Variants in DNAAF1 observed in about 807,000 individuals in gnomAD.
The protein encoded by DNAAF1 is dynein assembly factor 1, axonemal.
In DNAAF1, 65 loss-of-function variants were observed where a neutral mutation model predicts 71.1. The observed-to-expected ratio is 0.91, with a 90% CI of 0.75 to 1.12. DNAAF1 has a LOEUF of 1.12. DNAAF1 is among the 50% of genes most tolerant of loss of function. The pLI is 0.00. For missense variants in DNAAF1, 1,178 were observed against 899.8 expected, an observed-to-expected ratio of 1.31 and a Z score of -3.96; for synonymous variants, 414 against 354.6, an observed-to-expected ratio of 1.17 and a Z score of -1.88.
intron 5 of DNAAF1, among the ~76,000 whole-genome samples, chr16:84,156,038 A>C (rs2087412087): frequency 6.6e-6 from 1 of 151,966 alleles, no homozygotes; most frequent in Admixed American, 6.6e-5. Flanking sequence ...AACTCCGCCC[A>C]CTGCAACCTC....
intron 2 of DNAAF1, among the ~76,000 whole-genome samples, chr16:84,149,476 G>C (rs1274165991): frequency 6.6e-6 from 1 of 152,002 alleles, no homozygotes; most frequent in African/African-American, 2.4e-5. Flanking sequence ...CGAATCACAA[G>C]GTCAGGAGTT....
At chr16:84,147,213 T>C (rs2151201594) in intron 1 of DNAAF1, among the ~76,000 whole-genome samples, 1 of 152,366 alleles carries the variant, frequency 6.6e-6, no homozygotes, top group Non-Finnish European at 1.5e-5. Flanking sequence ...TATTAATATT[T>C]ATATATTGAG....
At chr16:84,176,349 C>A in intron 11 of DNAAF1, 50 bp downstream of exon 11, 1 of 1,611,172 alleles carries the variant, frequency 6.2e-7, no homozygotes, top group Non-Finnish European at 8.5e-7. Context: ...GGCTCCCCGG[C>A]CTGGGATGGG....
At chr16:84,173,161 C>G in intron 9 of DNAAF1, 4 of 985,858 alleles carry the variant, frequency 4.1e-6, no homozygotes, top group Non-Finnish European at 4.8e-6. Context: ...TTCACATGGC[C>G]CAGTAGGAGT....
intron 11 of DNAAF1, 152 bp downstream of exon 11, chr16:84,176,451 A>C (rs2088666298): frequency 8.1e-7 from 1 of 1,234,046 alleles, no homozygotes; most frequent in South Asian, 1.3e-5. Context: ...TGAAGGTCCC[A>C]TTCCTGAGTT....
In DNAAF1 at chr16:84,177,553, T is replaced by C. The variant is rs574433624; in HGVS notation, c.2066-176T>C. On this transcript the variant is annotated intron_variant, in intron 11 of 11. Coordinates refer to ENST00000378553, the MANE Select transcript of DNAAF1 (RefSeq NM_178452.6). ...CATGTTGACCAGGCTGGTCTCGAAC[T>C]CCTGACCTCAGGTGATCTGTTTGCC... 2.5e-4 allele frequency: 157 copies of C among 628,880 alleles called. No individual in the cohort carries two copies. The African/African-American group carries it at 2.5e-3, about 10-fold the overall frequency. 39.0% of individuals were successfully genotyped at this position (628,880 alleles called of 1,614,324 possible).
At position 84,159,775 on chromosome 16, in the gene DNAAF1, G is replaced by C. The variant is rs754950357; in HGVS notation, c.842G>C (p.Arg281Thr). Reference protein sequence around the residue: ...RLKHLTYLDDRPVFPKDRACA... With the variant: ...RLKHLTYLDDTPVFPKDRACA... ...AAGCACTTAACATACCTGGATGATAGACCAGTGTTTCCAAAGGACAGGTAA... is the reference window on the plus strand; with the variant it reads ...AAGCACTTAACATACCTGGATGATACACCAGTGTTTCCAAAGGACAGGTAA... The change falls in exon 6 of 12, where the codon AGA becomes ACA. Residue 281 changes from arginine (R) to threonine (T), a missense_variant. Coordinates refer to ENST00000378553, the MANE Select transcript of DNAAF1 (RefSeq NM_178452.6). 1 of 1,613,920 alleles carries C rather than the reference G, an allele frequency of 6.2e-7. No homozygotes were observed. Among genetic ancestry groups the C allele is most frequent in the Non-Finnish European group, 8.5e-7 (1 of 1,179,896 alleles).
chr16:84,162,930 G>C (rs552857106), intron 6 of DNAAF1, among the ~76,000 whole-genome samples: 2 of 152,108 alleles, frequency 1.3e-5, no homozygotes, highest in African/African-American at 2.4e-5. Context: ...TGATTTGCTC[G>C]TTCTGGACAT....
At chr16:84,162,227 G>A (rs1430262354) in intron 6 of DNAAF1, 1 of 152,110 alleles carries the variant, frequency 6.6e-6, no homozygotes, top group Non-Finnish European at 1.5e-5. Flanking sequence ...TAAGCCTCCT[G>A]TTTTTAAACC....
At chr16:84,158,973 C>T in intron 5 of DNAAF1, 4 of 950,292 alleles carry the variant, frequency 4.2e-6, no homozygotes, top group Non-Finnish European at 5.0e-6. Context: ...TCAAGTGATC[C>T]ACCCACCTCA....
chr16:84,170,023 C>G lies in DNAAF1; in HGVS notation c.1195C>G (p.Pro399Ala). 6.2e-7 allele frequency: 1 copy of G among 1,613,876 alleles called. No individual in the cohort carries two copies. Among genetic ancestry groups the G allele is most frequent in the Non-Finnish European group, 8.5e-7 (1 of 1,180,036 alleles). Residue 399 changes from proline to alanine, a missense_variant, in exon 8 of 12, where the codon CCG (proline) becomes GCG (alanine). Coordinates refer to ENST00000378553, the MANE Select transcript of DNAAF1 (RefSeq NM_178452.6). ...CCCGGAAAAGCCAAGTGGAGAGGAG[C>G]CGCCTGTGGAGGCTAAAAGAGAGGA... ...LCPEKPSGEE[P>A]PVEAKREDGG...
intron 10 of DNAAF1, chr16:84,175,502 G>C (rs2088605027): frequency 4.2e-6 from 1 of 237,400 alleles, no homozygotes; most frequent in African/African-American, 2.3e-5. Flanking sequence ...CGTACCCTGA[G>C]GGAGAAGGAG....
chr16:84,175,804 G>C (rs947991798), intron 10 of DNAAF1, 129 bp from the exon 11 acceptor site: 2 of 1,210,740 alleles, frequency 1.7e-6, no homozygotes, highest in Admixed American at 1.7e-5. Flanking sequence ...TGTTCCCTTG[G>C]GCCTTTCTTG....
At chr16:84,174,943 C>T in intron 10 of DNAAF1, 1 of 525,838 alleles carries the variant, frequency 1.9e-6, no homozygotes, top group Non-Finnish European at 3.4e-6. Context: ...GCAACCTCCA[C>T]CTCCTGGGTT....
chr16:84,173,085 G>T (rs1481340273), intron 9 of DNAAF1: 2 of 986,438 alleles, frequency 2.0e-6, no homozygotes, highest in Non-Finnish European at 2.4e-6. Context: ...TGGAGAGGTG[G>T]TCCCCTGCCC....
At chr16:84,157,312 CAGG>C (rs2087485555) in intron 5 of DNAAF1, among the ~76,000 whole-genome samples, 1 of 151,688 alleles carries the variant, frequency 6.6e-6, no homozygotes, top group Non-Finnish European at 1.5e-5. Context: ...CACTTGAGGC[CAGG>C]AGTTTGAGAC....
chr16:84,156,555 G>C (rs923106916), intron 5 of DNAAF1, among the ~76,000 whole-genome samples: 1 of 152,136 alleles, frequency 6.6e-6, no homozygotes, highest in African/African-American at 2.4e-5. Context: ...TTGTCAGCCT[G>C]GTCTAGCCAT....
In DNAAF1 at chr16:84,150,418, G is replaced by A. The variant is rs2087128789; in HGVS notation, c.352+76G>A. On this transcript the variant is annotated intron_variant, in intron 3 of 11. Transcript: ENST00000378553. The stretch of plus-strand genomic sequence containing the variant: ...TAGCGGTATAAAAAATTACTTGCAG[G>A]GATCACCTTTAGTTCTCAGAATGTA... 2.6e-6 allele frequency: 3 copies of A among 1,142,258 alleles called. No individual in the cohort carries two copies. The South Asian group carries it at 3.7e-5, about 14-fold the overall frequency. The allele number at this position is 1,142,258 out of a possible 1,614,324, so 70.8% of individuals were successfully genotyped here. A position where few individuals can be genotyped will look rare whatever the true frequency, so the allele number is the denominator to read the frequency against.
rs930724585 is a variant in DNAAF1, at chr16:84,177,894, G to A, written c.*53G>A. On this transcript the variant is annotated 3_prime_UTR_variant, in exon 12 of 12. Coordinates refer to ENST00000378553, the MANE Select transcript of DNAAF1 (RefSeq NM_178452.6). ...GGTTTAATCATAAATGTCTCCCTTAGGCATGATAAACATTTTAACACCCAC... is the reference window on the plus strand; with the variant it reads ...GGTTTAATCATAAATGTCTCCCTTAAGCATGATAAACATTTTAACACCCAC... 2.0e-6 allele frequency: 3 copies of A among 1,470,852 alleles called. No homozygotes were observed. The highest frequency in any genetic ancestry group is 2.8e-5 in the African/African-American group (2 of 72,064). The allele number at this position is 1,470,852 out of a possible 1,614,324, so 91.1% of individuals were successfully genotyped here. A position where few individuals can be genotyped will look rare whatever the true frequency, so the allele number is the denominator to read the frequency against.
Sources: gnomAD v4.1 joint callset for allele counts (sites outside exome capture counted in the v4.1 genomes callset) on GRCh38, gnomAD v4.1.1 for gene constraint, MANE v1.5 for transcripts, NCBI Gene and HGNC (gene_info 2026-07-23, HGNC 2026-07-21) for gene names.